ST6GALNAC5: variants seen among roughly 807,000 people sequenced by gnomAD.
ST6GALNAC5 encodes ST6 N-acetylgalactosaminide alpha-2,6-sialyltransferase 5, also known as alpha-N-acetylgalactosaminide alpha-2,6-sialyltransferase 5.
ST6GALNAC5 carries 27 observed loss-of-function variants against 33.6 expected under a neutral mutation model. That is an observed-to-expected ratio of 0.80 (90% CI 0.59 to 1.11). The LOEUF is 1.11. Among genes scored for constraint, ST6GALNAC5 ranks in the 50% least tolerant of loss-of-function variants. The pLI is 0.00. For synonymous variants in ST6GALNAC5, 194 were observed against 171.2 expected (o/e 1.13, Z -1.04); for missense variants, 428 against 454.0 (o/e 0.94, Z 0.52).
chr1:76,908,463 A>G (rs1394101830), intron 2 of ST6GALNAC5, among the ~76,000 whole-genome samples: 2 of 152,124 alleles, frequency 1.3e-5, no homozygotes, highest in East Asian at 1.9e-4. Flanking sequence ...ACCTTATCAC[A>G]TGGGTGATTA....
intron 2 of ST6GALNAC5, among the ~76,000 whole-genome samples, chr1:77,004,271 C>T (rs1477499390): frequency 6.6e-6 from 1 of 150,398 alleles, no homozygotes; most frequent in African/African-American, 2.4e-5. Flanking sequence ...CCCTTTCTTC[C>T]AGTTGATCGC....
At chr1:76,875,163 A>G (rs1653608541) in intron 2 of ST6GALNAC5, among the ~76,000 whole-genome samples, 1 of 152,200 alleles carries the variant, frequency 6.6e-6, no homozygotes, top group South Asian at 2.1e-4. Context: ...CAGCTGCTCA[A>G]GTAGCTAGTA....
At chr1:77,015,755 G>A (rs1650807327) in intron 2 of ST6GALNAC5, among the ~76,000 whole-genome samples, 1 of 152,040 alleles carries the variant, frequency 6.6e-6, no homozygotes, top group African/African-American at 2.4e-5. Flanking sequence ...AGAACAAGCA[G>A]GAGTGAACCA....
At chr1:77,020,738 A>T (rs1651020875) in intron 2 of ST6GALNAC5, among the ~76,000 whole-genome samples, 1 of 152,118 alleles carries the variant, frequency 6.6e-6, no homozygotes, top group Non-Finnish European at 1.5e-5. Context: ...CTAGTAACAA[A>T]CTACCCCACA....
chr1:77,019,880 C>T (rs934955192), intron 2 of ST6GALNAC5, among the ~76,000 whole-genome samples: 53 of 152,108 alleles, frequency 3.5e-4, no homozygotes, highest in Admixed American at 1.1e-3. Flanking sequence ...ATTTCTAACC[C>T]CCAAATTCCT....
At chr1:76,869,726 G>A (rs1522623) in intron 2 of ST6GALNAC5, among the ~76,000 whole-genome samples, 3,741 of 152,268 alleles carry the variant, frequency 0.025, 153 homozygotes, top group African/African-American at 0.086. Context: ...TTTTTAAAAA[G>A]TGGCATTCAA....
intron 2 of ST6GALNAC5, among the ~76,000 whole-genome samples, chr1:76,969,988 T>A (rs531294238): frequency 1.3e-4 from 20 of 152,110 alleles, no homozygotes; most frequent in Non-Finnish European, 2.6e-4. Context: ...CAGAAAGGAA[T>A]AGCATCAACA....
intron 2 of ST6GALNAC5, among the ~76,000 whole-genome samples, chr1:76,985,024 A>G (rs1044875845): frequency 6.6e-6 from 1 of 152,180 alleles, no homozygotes; most frequent in Non-Finnish European, 1.5e-5. Context: ...TCAAAATAAT[A>G]AGAACTATTT....
chr1:76,952,779 G>A (rs1007903761), intron 2 of ST6GALNAC5, among the ~76,000 whole-genome samples: 11 of 151,938 alleles, frequency 7.2e-5, no homozygotes, highest in Non-Finnish European at 1.0e-4. Flanking sequence ...AGAAACCAGA[G>A]TTTGCACTTG....
chr1:76,978,530 T>A (rs1334994949), intron 2 of ST6GALNAC5, among the ~76,000 whole-genome samples: 1 of 152,232 alleles, frequency 6.6e-6, no homozygotes, highest in East Asian at 1.9e-4. Context: ...AAAAACTCTA[T>A]GATCATTTTA....
At chr1:76,869,989 G>A (rs1055506801) in intron 2 of ST6GALNAC5, among the ~76,000 whole-genome samples, 4 of 152,146 alleles carry the variant, frequency 2.6e-5, no homozygotes, top group African/African-American at 9.7e-5. Flanking sequence ...TGAAAAAGTG[G>A]AATTTTGCAA....
At chr1:76,876,278 T>C (rs1290023728) in intron 2 of ST6GALNAC5, among the ~76,000 whole-genome samples, 1 of 152,122 alleles carries the variant, frequency 6.6e-6, no homozygotes, top group African/African-American at 2.4e-5. Context: ...CACTCAGCAG[T>C]GGCCATAGCC....
At chr1:76,941,538 G>A (rs550739718) in intron 2 of ST6GALNAC5, among the ~76,000 whole-genome samples, 2 of 152,160 alleles carry the variant, frequency 1.3e-5, no homozygotes, top group South Asian at 4.2e-4. Flanking sequence ...GGTCATTGCA[G>A]CTATAATAAA....
chr1:76,976,093 C>CA (rs929733938), intron 2 of ST6GALNAC5, among the ~76,000 whole-genome samples: 1 of 151,330 alleles, frequency 6.6e-6, no homozygotes, highest in Admixed American at 6.6e-5. Context: ...AGATCCATCT[C>CA]AAAAAAATAA....
chr1:76,923,252 G>A (rs1647052253), intron 2 of ST6GALNAC5, among the ~76,000 whole-genome samples: 1 of 150,228 alleles, frequency 6.7e-6, no homozygotes, highest in African/African-American at 2.4e-5. Flanking sequence ...AAAAAAAATT[G>A]CTTTAAAAAT....
intron 2 of ST6GALNAC5, among the ~76,000 whole-genome samples, chr1:76,889,844 A>AT (rs1378891072): frequency 2.0e-5 from 3 of 151,816 alleles, no homozygotes; most frequent in East Asian, 3.9e-4. Flanking sequence ...CTATTTCTAG[A>AT]TTTTTTTCTA....
chr1:76,905,942 G>A (rs568148248), intron 2 of ST6GALNAC5, among the ~76,000 whole-genome samples: 1 of 152,232 alleles, frequency 6.6e-6, no homozygotes, highest in African/African-American at 2.4e-5. Context: ...ATGGAGAAAG[G>A]TGCCTTCTAT....
At chr1:76,913,094 G>A (rs1271699847) in intron 2 of ST6GALNAC5, among the ~76,000 whole-genome samples, 1 of 152,062 alleles carries the variant, frequency 6.6e-6, no homozygotes, top group Non-Finnish European at 1.5e-5. Flanking sequence ...TCCTTCAGGA[G>A]CTCTTTTAGG....
chr1:77,050,997 C>T (rs1336649009), intron 4 of ST6GALNAC5, among the ~76,000 whole-genome samples: 1 of 152,178 alleles, frequency 6.6e-6, no homozygotes, highest in Non-Finnish European at 1.5e-5. Context: ...TGCTTGAAAA[C>T]TCGCCTGTAA....
Sources: allele counts gnomAD v4.1 joint callset (sites outside exome capture counted in the v4.1 genomes callset), GRCh38; gene constraint gnomAD v4.1.1; transcripts MANE v1.5; gene names NCBI Gene and HGNC (gene_info 2026-07-23, HGNC 2026-07-21).